The following VWF variants were observed in gnomAD, a reference collection of about 807,000 sequenced individuals.
The protein encoded by VWF is von Willebrand factor, also known as Factor VIII related antigen.
Under a neutral mutation model 308.6 loss-of-function variants are expected in VWF, and 176 were observed. That is an observed-to-expected ratio of 0.57 (90% CI 0.50 to 0.65). The LOEUF (loss-of-function observed/expected upper bound fraction) is 0.65, where lower values mean the gene tolerates loss of function less well. Among genes scored for constraint, VWF ranks in the 30% least tolerant of loss-of-function variants. The pLI is 0.00. For synonymous variants in VWF, 1,385 were observed against 1,443.4 expected (o/e 0.96, Z 0.92); for missense variants, 3,146 against 3,648.2 (o/e 0.86, Z 3.55).
At chr12:6,001,404 G>C (rs1943872127) in intron 34 of VWF, among the ~76,000 whole-genome samples, 1 of 152,120 alleles carries the variant, frequency 6.6e-6, no homozygotes, top group African/African-American at 2.4e-5. Flanking sequence ...ATTCAGAAAG[G>C]CTAAAGTAAA....
intron 6 of VWF, among the ~76,000 whole-genome samples, chr12:6,089,955 CTTTTTTCT>C (rs981893927): frequency 4.7e-5 from 7 of 147,546 alleles, no homozygotes; most frequent in African/African-American, 1.6e-4. Flanking sequence ...AATCTGTCCT[CTTTTTTCT>C]TTTTTTTTGT....
chr12:6,110,651 A>G (rs1442330724), intron 4 of VWF, 69 bp from the exon 5 acceptor site: 1 of 1,524,846 alleles, frequency 6.6e-7, no homozygotes, highest in African/African-American at 1.4e-5. Context: ...CCCACCTTCT[A>G]ACCCCAACCC....
At position 6,075,396 on chromosome 12, in the gene VWF, G is replaced by A. The variant is rs750697933; in HGVS notation, c.813C>T (p.Tyr271=). The change falls in exon 7 of 52, where the codon TAC becomes TAT. Residue 271 remains tyrosine, a synonymous_variant. Coordinates refer to ENST00000261405, the MANE Select transcript of VWF (RefSeq NM_000552.5). This position sits in a 1 kb window ranked among gnomAD's most constrained non-coding sequence, Gnocchi z 4.7. The part of the protein sequence containing the change: ...LECACPALLE[Y]ARTCAQEGMV... ...TTCCCTCCTGGGCACAGGTCCGGGC[G>A]TACTCCAGGAGGGCAGGGCAGGCGC... 1.7e-5 allele frequency: 27 copies of A among 1,613,940 alleles called. No individual in the cohort carries two copies. Among genetic ancestry groups the A allele is most frequent in the Middle Eastern group, 1.6e-4 (1 of 6,084 alleles).
chr12:6,114,997 G>A (rs76867133), intron 3 of VWF, among the ~76,000 whole-genome samples: 116 of 152,350 alleles, frequency 7.6e-4, no homozygotes, highest in African/African-American at 2.7e-3. Context: ...TTGAAGAGCA[G>A]TCAGTCCACA....
At chr12:5,983,329 A>G in intron 40 of VWF, 75 bp from the exon 41 acceptor site, 1 of 1,427,192 alleles carries the variant, frequency 7.0e-7, no homozygotes, top group South Asian at 1.2e-5. Context: ...GTGGGATGCT[A>G]CATTCCTATT....
intron 22 of VWF, among the ~76,000 whole-genome samples, chr12:6,028,645 A>G (rs1944221564): frequency 6.6e-6 from 1 of 152,206 alleles, no homozygotes; most frequent in Non-Finnish European, 1.5e-5. Flanking sequence ...TTAGAATTTC[A>G]TATCCACCCA....
At position 6,024,338 on chromosome 12, in the gene VWF, C is replaced by A. The variant is rs1329826067; in HGVS notation, c.3223-551G>T. On this transcript the variant is annotated intron_variant, in intron 24 of 51. Coordinates refer to ENST00000261405, the MANE Select transcript of VWF (RefSeq NM_000552.5). The surrounding 1 kb of genome is among the most constrained non-coding windows in gnomAD (Gnocchi z 4.0). ...TTCCAACCCTTCCTCATCCCCAAAA[C>A]ACGCCTCTAAACACACTGGACTTTT... is the stretch of plus-strand genomic sequence containing the variant. Among the ~76,000 whole-genome samples, 1 of 152,208 alleles carries A rather than the reference C, an allele frequency of 6.6e-6. No individual in the cohort carries two copies. Among genetic ancestry groups the A allele is most frequent in the Admixed American group, 6.5e-5 (1 of 15,288 alleles).
intron 10 of VWF, among the ~76,000 whole-genome samples, chr12:6,067,831 T>C (rs564443127): frequency 6.1e-5 from 9 of 147,790 alleles, no homozygotes; most frequent in African/African-American, 2.2e-4. Flanking sequence ...AAACTGCATT[T>C]AAAAAAAAAA....
At chr12:6,012,052 A>C (rs748549980) in intron 33 of VWF, 35 bp downstream of exon 33, 6 of 1,611,624 alleles carry the variant, frequency 3.7e-6, no homozygotes, top group Non-Finnish European at 5.1e-6. Context: ...ACACATCTCT[A>C]ACCTTTCTTT....
intron 40 of VWF, among the ~76,000 whole-genome samples, chr12:5,984,024 A>ATAGATAGG (rs1943648117): frequency 7.8e-6 from 1 of 128,270 alleles, no homozygotes; most frequent in Non-Finnish European, 1.8e-5. Context: ...AGATAGACAG[A>ATAGATAGG]CAGACAGACA....
Position 6,057,007 on chromosome 12 carries a change from C to A in VWF, c.1795G>T (p.Val599Phe), listed in dbSNP as rs756040607. ...TTCCGCAGGTAGGGCAGCGGGCTGA[C>A]GGCACGATGGCAGGCCTCGAATGTG... ...SPTFEACHRA[V>F]SPLPYLRNCR... The change falls in exon 15 of 52, where the codon GTC becomes TTC. Residue 599 changes from valine to phenylalanine, a missense_variant. By Grantham distance (50) the Val-to-Phe change is conservative (BLOSUM62 -1). Around this residue, in one of 3 missense-constraint regions of VWF, gnomAD observed 1,304 missense variants for 1,353.0 expected, o/e 0.96. Coordinates refer to ENST00000261405, the MANE Select transcript of VWF (RefSeq NM_000552.5). The A allele has an allele frequency of 2.6e-5, 40 of 1,549,164 alleles. No homozygotes were observed. In the African/African-American group the frequency reaches 5.3e-4, roughly 21 times the overall value.
intron 15 of VWF, among the ~76,000 whole-genome samples, chr12:6,055,109 T>C (rs1473753092): frequency 2.6e-5 from 4 of 152,206 alleles, no homozygotes; most frequent in African/African-American, 9.6e-5. Context: ...TTTAACTGAA[T>C]CTTATCCCCA....
intron 41 of VWF, 22 bp downstream of exon 41, chr12:5,983,128 T>G: frequency 1.9e-6 from 3 of 1,609,996 alleles, no homozygotes; most frequent in Non-Finnish European, 2.5e-6. Flanking sequence ...ACACCACCCC[T>G]CCTCATCCAC....
At chr12:6,055,094 C>A (rs937632289) in intron 15 of VWF, among the ~76,000 whole-genome samples, 6 of 152,202 alleles carry the variant, frequency 3.9e-5, no homozygotes, top group Non-Finnish European at 8.8e-5. Context: ...GGAGTCAAGA[C>A]ATTCTTTAAC....
At chr12:5,954,569 C>A (rs951573553) in intron 47 of VWF, among the ~76,000 whole-genome samples, 1 of 152,144 alleles carries the variant, frequency 6.6e-6, no homozygotes, top group African/African-American at 2.4e-5. Context: ...GAGGACTCAG[C>A]AGACAGTTTG....
chr12:6,047,692 A>G (rs1241702144), intron 16 of VWF, among the ~76,000 whole-genome samples: 1 of 152,268 alleles, frequency 6.6e-6, no homozygotes, highest in African/African-American at 2.4e-5. Context: ...TTTAGTTTGT[A>G]TAAATGATAT....
intron 10 of VWF, among the ~76,000 whole-genome samples, 199 bp downstream of exon 10, chr12:6,071,098 G>A (rs1031386645): frequency 6.6e-6 from 1 of 152,178 alleles, no homozygotes; most frequent in Middle Eastern, 3.2e-3. Flanking sequence ...CTGTTGCAGG[G>A]CTCCCACCTC....
At chr12:6,089,457 T>C (rs546208736) in intron 6 of VWF, among the ~76,000 whole-genome samples, 1 of 152,244 alleles carries the variant, frequency 6.6e-6, no homozygotes, top group East Asian at 1.9e-4. Flanking sequence ...AGTAAGGACT[T>C]TAATGCACCC....
intron 47 of VWF, among the ~76,000 whole-genome samples, chr12:5,962,204 C>T (rs920282593): frequency 2.0e-5 from 3 of 152,126 alleles, no homozygotes; most frequent in Non-Finnish European, 4.4e-5. Flanking sequence ...CCTAAATAAT[C>T]GAAGAGATAT....
Sources: allele counts gnomAD v4.1 joint callset (sites outside exome capture counted in the v4.1 genomes callset), GRCh38; gene constraint gnomAD v4.1.1; regional missense constraint gnomAD v4.1.1; non-coding constraint Gnocchi (gnomAD v3.1); transcripts MANE v1.5; gene names NCBI Gene and HGNC (gene_info 2026-07-23, HGNC 2026-07-21).